DCLK1: variants seen among roughly 807,000 people sequenced by gnomAD.
DCLK1 encodes doublecortin like kinase 1.
DCLK1 carries 16 observed loss-of-function variants against 86.2 expected under a neutral mutation model. The observed-to-expected ratio is 0.19, with a 90% CI of 0.13 to 0.28. DCLK1 has a LOEUF of 0.28. Ranked by LOEUF, DCLK1 falls within the 10% of genes least tolerant of loss-of-function variation. The pLI is 1.00. For missense variants in DCLK1, 590 were observed against 940.2 expected (o/e 0.63, Z 4.87); for synonymous variants, 369 against 370.5 (o/e 1.00, Z 0.05).
intron 3 of DCLK1, among the ~76,000 whole-genome samples, chr13:35,981,980 A>T (rs774029007): frequency 6.6e-6 from 1 of 152,282 alleles, no homozygotes; most frequent in Non-Finnish European, 1.5e-5. Flanking sequence ...TATGCTAGCC[A>T]TCCTAGTGGG....
intron 3 of DCLK1, among the ~76,000 whole-genome samples, chr13:36,100,823 T>C (rs1268082458): frequency 2.0e-5 from 3 of 152,140 alleles, no homozygotes; most frequent in African/African-American, 7.2e-5. Flanking sequence ...CACTAGGTGG[T>C]TCCTTCACAC....
chr13:35,944,787 G>A (rs1877273091), intron 4 of DCLK1, among the ~76,000 whole-genome samples: 2 of 152,116 alleles, frequency 1.3e-5, no homozygotes, highest in Non-Finnish European at 2.9e-5. Context: ...TCCTTCAGAA[G>A]GCCAAACCAC....
chr13:35,978,791 G>A (rs1362291775), intron 3 of DCLK1, among the ~76,000 whole-genome samples: 1 of 151,816 alleles, frequency 6.6e-6, no homozygotes, highest in Non-Finnish European at 1.5e-5. Context: ...TTTCTGTAAG[G>A]CCCCATTTCA....
At chr13:35,828,403 C>T (rs772289228) in intron 8 of DCLK1, 96 bp from the exon 9 acceptor site, 22 of 932,284 alleles carry the variant, frequency 2.4e-5, no homozygotes, top group Non-Finnish European at 3.0e-5. Flanking sequence ...ATAGATCTTG[C>T]ATCATGTTGT....
chr13:35,958,210 CCAT>C (rs1377016176), intron 3 of DCLK1, among the ~76,000 whole-genome samples: 27 of 134,962 alleles, frequency 2.0e-4, no homozygotes, highest in African/African-American at 5.7e-4. Flanking sequence ...ACCATTATAA[CCAT>C]CACCACCACC....
At chr13:35,981,120 A>C (rs904720292) in intron 3 of DCLK1, among the ~76,000 whole-genome samples, 3 of 152,248 alleles carry the variant, frequency 2.0e-5, no homozygotes, top group African/African-American at 7.2e-5. Flanking sequence ...GAGCCATTTC[A>C]TAATGCTATA....
chr13:36,094,079 G>T (rs1194038632), intron 3 of DCLK1, among the ~76,000 whole-genome samples: 1 of 152,040 alleles, frequency 6.6e-6, no homozygotes, highest in Non-Finnish European at 1.5e-5. Context: ...TTTGGCATTA[G>T]AGTCAAGTCT....
At chr13:36,062,757 G>T (rs1883600028) in intron 3 of DCLK1, among the ~76,000 whole-genome samples, 1 of 152,140 alleles carries the variant, frequency 6.6e-6, no homozygotes, top group Admixed American at 6.5e-5. Flanking sequence ...ACGGATAGGC[G>T]TCATTGTGGA....
rs1447112603 is a variant in DCLK1 at position 36,112,226 on chromosome 13, G to C, written c.377-11C>G. The C allele has an allele frequency of 2.6e-6, 4 of 1,523,616 alleles. No homozygotes were observed. Among genetic ancestry groups the C allele is most frequent in the Non-Finnish European group, 3.5e-6 (4 of 1,133,008 alleles). 94.4% of individuals were successfully genotyped at this position (1,523,616 alleles called of 1,614,324 possible). ...ATACATAACTCTCTCCTAAGGAAGAGAGAAATATATTTAAATTTATACTAA... is the reference window on the plus strand; with the variant it reads ...ATACATAACTCTCTCCTAAGGAAGACAGAAATATATTTAAATTTATACTAA... On this transcript the variant is annotated splice_polypyrimidine_tract_variant and intron_variant, in intron 2 of 16. Transcript: ENST00000360631.
At chr13:35,829,142 C>A (rs1868743948) in intron 8 of DCLK1, among the ~76,000 whole-genome samples, 1 of 152,080 alleles carries the variant, frequency 6.6e-6, no homozygotes, top group African/African-American at 2.4e-5. Flanking sequence ...TTCTCCAGGC[C>A]CCTGCTCCCT....
At chr13:35,855,831 G>C (rs759670342) in intron 5 of DCLK1, 5 of 1,221,768 alleles carry the variant, frequency 4.1e-6, no homozygotes, top group Non-Finnish European at 5.1e-6. Context: ...CCCCAGTGCT[G>C]TCAGTACTTT....
At chr13:35,982,423 AGAGAGAGAGGGGGAGGGAGGGAGGGAGG>A (rs1234670430) in intron 3 of DCLK1, among the ~76,000 whole-genome samples, 1 of 40,120 alleles carries the variant, frequency 2.5e-5, no homozygotes, top group South Asian at 1.8e-3. Context: ...AGAGAGAGAG[AGAGAGAGAGGGGGAGGGAGGGAGGGAGG>A]GAGGGAGGGA....
chr13:35,872,761 C>T (rs1405068193), intron 4 of DCLK1, among the ~76,000 whole-genome samples: 1 of 151,954 alleles, frequency 6.6e-6, no homozygotes, highest in Non-Finnish European at 1.5e-5. Flanking sequence ...TGTTCTTTCC[C>T]CTTCAATATC....
At chr13:35,837,801 C>A (rs7327659) in intron 7 of DCLK1, among the ~76,000 whole-genome samples, 36,154 of 151,814 alleles carry the variant, frequency 0.24, 4,508 homozygotes, top group Admixed American at 0.32. Flanking sequence ...TGTGGTGGCT[C>A]ATGCCTGTAA....
intron 3 of DCLK1, among the ~76,000 whole-genome samples, chr13:36,050,744 A>C (rs1883094337): frequency 6.6e-6 from 1 of 152,216 alleles, no homozygotes; most frequent in African/African-American, 2.4e-5. Context: ...CACCATCTCC[A>C]CCGGTGTCCC....
intron 3 of DCLK1, among the ~76,000 whole-genome samples, chr13:35,996,537 C>T (rs1447846366): frequency 6.6e-6 from 1 of 152,152 alleles, no homozygotes; most frequent in Admixed American, 6.5e-5. Flanking sequence ...TATTGGTTGA[C>T]AGCTTGAATA....
intron 14 of DCLK1, among the ~76,000 whole-genome samples, chr13:35,807,904 A>G (rs2087061060): frequency 6.6e-6 from 1 of 152,168 alleles, no homozygotes; most frequent in Non-Finnish European, 1.5e-5. Context: ...GAGAGGTGAA[A>G]CCACAGGCCA....
chr13:35,912,203 A>C (rs553935896), intron 4 of DCLK1, among the ~76,000 whole-genome samples: 3 of 152,260 alleles, frequency 2.0e-5, no homozygotes, highest in South Asian at 4.1e-4. Flanking sequence ...ATGCTTGGCC[A>C]ACTCCAAGTG....
Position 36,053,249 on chromosome 13 carries a change from A to G in DCLK1, c.723+58620T>C, listed in dbSNP as rs559493063. 2.6e-5 allele frequency among the ~76,000 whole-genome samples: 4 copies of G among 152,286 alleles called. No individual in the cohort carries two copies. The South Asian group carries it at 8.3e-4, about 32-fold the overall frequency. On this transcript the variant is annotated intron_variant, in intron 3 of 16. Coordinates refer to ENST00000360631, the MANE Select transcript of DCLK1 (RefSeq NM_001330071.2). ...TGTGAGGTACTAGGCGGCCACTGGAATAAGAGAACAAATCTGCCTACAAGA... is the reference window on the plus strand; with the variant it reads ...TGTGAGGTACTAGGCGGCCACTGGAGTAAGAGAACAAATCTGCCTACAAGA...
Sources: allele counts gnomAD v4.1 joint callset (sites outside exome capture counted in the v4.1 genomes callset), GRCh38; gene constraint gnomAD v4.1.1; transcripts MANE v1.5; gene names NCBI Gene and HGNC (gene_info 2026-07-23, HGNC 2026-07-21).